The following AOPEP variants were observed in gnomAD, a reference collection of about 807,000 sequenced individuals.
AOPEP encodes aminopeptidase O (putative), also known as aminopeptidase O.
AOPEP carries 77 observed loss-of-function variants against 98.1 expected under a neutral mutation model. The ratio of observed to expected loss-of-function variants is 0.78; its 90% CI spans 0.65 to 0.95. The LOEUF is 0.95. Among genes scored for constraint, AOPEP ranks in the 40% least tolerant of loss-of-function variants. AOPEP has a pLI of 0.00. For synonymous variants in AOPEP, 346 were observed against 365.3 expected, an observed-to-expected ratio of 0.95 and a Z score of 0.60; for missense variants, 1,024 against 1,024.7, an observed-to-expected ratio of 1.00 and a Z score of 0.01.
chr9:94,791,895 A>G (rs775844280), intron 3 of AOPEP, among the ~76,000 whole-genome samples: 2 of 152,250 alleles, frequency 1.3e-5, no homozygotes, highest in African/African-American at 4.8e-5. Flanking sequence ...TGCTCGGAAA[A>G]TATACCATTG....
chr9:94,902,788 G>A (rs1160930793), intron 5 of AOPEP, among the ~76,000 whole-genome samples: 1 of 151,432 alleles, frequency 6.6e-6, no homozygotes, highest in East Asian at 2.0e-4. Context: ...GGGCACCGTG[G>A]CTCACACCTG....
At chr9:94,750,231 C>T (rs962845887) in intron 1 of AOPEP, among the ~76,000 whole-genome samples, 1 of 152,170 alleles carries the variant, frequency 6.6e-6, no homozygotes, top group African/African-American at 2.4e-5. Flanking sequence ...AGTTTTCCTT[C>T]TTTTCTCTCC....
At chr9:94,906,482 T>TAATAATAATAATAATAAA (rs1367536683) in intron 5 of AOPEP, among the ~76,000 whole-genome samples, 7 of 95,444 alleles carry the variant, frequency 7.3e-5, no homozygotes, top group Non-Finnish European at 1.5e-4. Flanking sequence ...ATAATAATAA[T>TAATAATAATAATAATAAA]AAAAAAACAG....
At chr9:94,731,437 A>G (rs1035599334) in intron 1 of AOPEP, among the ~76,000 whole-genome samples, 1 of 152,018 alleles carries the variant, frequency 6.6e-6, no homozygotes, top group East Asian at 1.9e-4. Flanking sequence ...TGCGTTAGCC[A>G]GGATGGTCTC....
At chr9:94,880,969 A>G (rs1363780501) in intron 5 of AOPEP, among the ~76,000 whole-genome samples, 1 of 152,226 alleles carries the variant, frequency 6.6e-6, no homozygotes, top group African/African-American at 2.4e-5. Flanking sequence ...TTTGGATACT[A>G]CACCTACACA....
At chr9:94,744,349 T>C (rs1443759407) in intron 1 of AOPEP, among the ~76,000 whole-genome samples, 1 of 151,856 alleles carries the variant, frequency 6.6e-6, no homozygotes, top group Non-Finnish European at 1.5e-5. Context: ...GCCGAGATCG[T>C]GCCACTGCAC....
intron 5 of AOPEP, among the ~76,000 whole-genome samples, chr9:94,831,007 T>C (rs901868354): frequency 6.6e-6 from 1 of 152,212 alleles, no homozygotes; most frequent in African/African-American, 2.4e-5. Context: ...ACGTTGTGTG[T>C]TTACTCTGTT....
In AOPEP at chr9:94,862,731, C is replaced by T. The variant is rs572567231; in HGVS notation, c.1365-61255C>T. 2.3e-3 allele frequency among the ~76,000 whole-genome samples: 347 copies of T among 152,306 alleles called. 1 individual carries two copies. In the Middle Eastern group the frequency reaches 0.037, roughly 16 times the overall value. ...TGCAATCACACTGCACAGTTTTGCA[C>T]TTTGTTGCCTCATGTTGTTTCCTCT... On this transcript the variant is annotated intron_variant, in intron 5 of 16. Transcript: ENST00000375315.
chr9:94,997,261 C>A (rs1264984201), intron 11 of AOPEP, among the ~76,000 whole-genome samples: 2 of 152,132 alleles, frequency 1.3e-5, no homozygotes, highest in Non-Finnish European at 2.9e-5. Context: ...AAAATTTTAT[C>A]CCTTGGTGTA....
At chr9:95,130,025 G>A in the AOPEP span, among the ~76,000 whole-genome samples, 2 of 152,084 alleles carry the variant, frequency 1.3e-5, no homozygotes, top group Non-Finnish European at 2.9e-5. Flanking sequence ...AAGTCAACAT[G>A]GAATCAACAC....
At chr9:94,919,211 T>C (rs1443355513) in intron 5 of AOPEP, among the ~76,000 whole-genome samples, 1 of 152,172 alleles carries the variant, frequency 6.6e-6, no homozygotes, top group East Asian at 1.9e-4. Context: ...ACTTCTAACC[T>C]TAAGCCTTTC....
intron 2 of AOPEP, among the ~76,000 whole-genome samples, chr9:94,765,119 G>A (rs1280609348): frequency 5.3e-5 from 8 of 151,676 alleles, no homozygotes; most frequent in Non-Finnish European, 1.2e-4. Context: ...GCAGCACCAC[G>A]CCCAGCTAAT....
chr9:94,759,510 T>G (rs1837796452), intron 1 of AOPEP, 139 bp from the exon 2 acceptor site: 1 of 368,940 alleles, frequency 2.7e-6, no homozygotes, highest in Admixed American at 4.3e-5. Context: ...GTAGAAAAGA[T>G]AAGTCAGCCT....
At chr9:95,038,724 T>C (rs144861458) in intron 13 of AOPEP, among the ~76,000 whole-genome samples, 1 of 152,340 alleles carries the variant, frequency 6.6e-6, no homozygotes, top group East Asian at 1.9e-4. Flanking sequence ...TAATTAGTCT[T>C]ACATTAAGAT....
intron 10 of AOPEP, among the ~76,000 whole-genome samples, chr9:94,974,550 C>G (rs778195162): frequency 6.6e-6 from 1 of 152,216 alleles, no homozygotes; most frequent in Admixed American, 6.5e-5. Context: ...AGCTCACTGA[C>G]GAGCTCTCCT....
At chr9:95,113,196 C>A in the AOPEP span, among the ~76,000 whole-genome samples, 1 of 152,150 alleles carries the variant, frequency 6.6e-6, no homozygotes, top group African/African-American at 2.4e-5. Flanking sequence ...TGGTCTCTGT[C>A]GGTAAGAATC....
At chr9:95,117,418 C>T in the AOPEP span, 2 of 1,598,108 alleles carry the variant, frequency 1.3e-6, no homozygotes, top group South Asian at 1.1e-5. Flanking sequence ...ATCCAAAGAG[C>T]ATGAACATTA....
intron 11 of AOPEP, among the ~76,000 whole-genome samples, chr9:94,983,466 T>A (rs1056510533): frequency 1.3e-5 from 2 of 152,218 alleles, no homozygotes; most frequent in Non-Finnish European, 2.9e-5. Flanking sequence ...ACTGGTGCAA[T>A]AGCAAACTGG....
intron 5 of AOPEP, among the ~76,000 whole-genome samples, chr9:94,825,351 G>C (rs1030971876): frequency 1.3e-4 from 20 of 152,306 alleles, no homozygotes; most frequent in Admixed American, 8.5e-4. Flanking sequence ...CTCTCCCCTT[G>C]AGAGGGGAGA....
Sources: allele counts gnomAD v4.1 joint callset (sites outside exome capture counted in the v4.1 genomes callset), GRCh38; gene constraint gnomAD v4.1.1; transcripts MANE v1.5; gene names NCBI Gene and HGNC (gene_info 2026-07-23, HGNC 2026-07-21).